THSD4: variants seen among roughly 807,000 people sequenced by gnomAD.
The protein encoded by THSD4 is thrombospondin type-1 domain-containing protein 4.
In THSD4, 69 loss-of-function variants were observed where a neutral mutation model predicts 119.0. The observed-to-expected ratio is 0.58, with a 90% confidence interval of 0.48 to 0.71. THSD4 has a LOEUF of 0.71. THSD4 is among the 30% of genes least tolerant of loss of function. The pLI is 0.00. For synonymous variants in THSD4, 524 were observed against 540.4 expected, an observed-to-expected ratio of 0.97 and a Z score of 0.42; for missense variants, 1,393 against 1,391.1, an observed-to-expected ratio of 1.00 and a Z score of -0.02.
chr15:71,670,224 C>T lies in THSD4; in HGVS notation c.1357+9490C>T, dbSNP rs575401433. Among the ~76,000 whole-genome samples the T allele has an allele frequency of 3.3e-5, 5 of 151,722 alleles. No homozygotes were observed. In the East Asian group the frequency reaches 9.8e-4, roughly 30 times the overall value. On this transcript the variant is annotated intron_variant, in intron 8 of 17. Transcript: ENST00000261862. ...TTAGGTATTTCTCCTAATGCTATCC[C>T]TCCCCTATCCCCCACCCCATGACAG...
chr15:71,499,081 C>T (rs112868741), intron 7 of THSD4, among the ~76,000 whole-genome samples: 2,130 of 152,200 alleles, frequency 0.014, 18 homozygotes, highest in Middle Eastern at 0.051. Context: ...CAAATCAATT[C>T]TAAGTGCTGT....
intron 6 of THSD4, among the ~76,000 whole-genome samples, chr15:71,289,445 C>T (rs1489592558): frequency 6.6e-6 from 1 of 152,148 alleles, no homozygotes; most frequent in Non-Finnish European, 1.5e-5. Context: ...TCCCTCCTTC[C>T]CTGCCGCACT....
At chr15:71,255,149 G>A (rs984627319) in intron 5 of THSD4, among the ~76,000 whole-genome samples, 4 of 152,102 alleles carry the variant, frequency 2.6e-5, no homozygotes, top group African/African-American at 9.7e-5. Context: ...TATCCTATTA[G>A]CAGTTTATTC....
Position 71,126,438 on chromosome 15 carries a change from T to A in THSD4, c.-80+10740T>A, listed in dbSNP as rs149844229. ...CTTCTGTTCCCACGTGGCCATCATG[T>A]TGGGGGCCCCCTTCCTTGCTGGAGC... is the stretch of plus-strand genomic sequence containing the variant. On this transcript the variant is annotated intron_variant, in intron 1 of 17. Transcript: ENST00000261862. 2.2e-4 allele frequency among the ~76,000 whole-genome samples: 34 copies of A among 152,344 alleles called. No individual in the cohort carries two copies. In the East Asian group the frequency reaches 6.4e-3, roughly 29 times the overall value.
Position 71,758,163 on chromosome 15 carries a change from G to A in THSD4, c.2589+88G>A. 3 of 1,435,636 alleles carry A rather than the reference G, an allele frequency of 2.1e-6. No individual in the cohort carries two copies. The South Asian group carries it at 4.4e-5, about 21-fold the overall frequency. The allele number at this position is 1,435,636 out of a possible 1,614,324, so 88.9% of individuals were successfully genotyped here. A position where few individuals can be genotyped will look rare whatever the true frequency, so the allele number is the denominator to read the frequency against. On this transcript the variant is annotated intron_variant, in intron 15 of 17. Transcript: ENST00000261862. ...TAGGAACCAGGACTTTGTGTCAGGT[G>A]TCCCAGCTTTGAATCCCAGCAGTGC...
chr15:71,697,355 G>A (rs775803259), intron 8 of THSD4, among the ~76,000 whole-genome samples: 1 of 152,180 alleles, frequency 6.6e-6, no homozygotes, highest in Non-Finnish European at 1.5e-5. Context: ...GAGCCGGCTG[G>A]GGGTGGGACT....
At chr15:71,136,233 A>G (rs2040551068) in intron 1 of THSD4, among the ~76,000 whole-genome samples, 1 of 152,040 alleles carries the variant, frequency 6.6e-6, no homozygotes, top group African/African-American at 2.4e-5. Context: ...GCAAGAAAAA[A>G]GTGGTTTGGA....
At chr15:71,181,330 T>C (rs147921735) in intron 3 of THSD4, among the ~76,000 whole-genome samples, 1 of 152,356 alleles carries the variant, frequency 6.6e-6, no homozygotes, top group East Asian at 1.9e-4. Context: ...CTAAATTTCT[T>C]GGATTCAAAG....
At chr15:71,750,274 C>T (rs373384957) in intron 14 of THSD4, among the ~76,000 whole-genome samples, 14 of 152,312 alleles carry the variant, frequency 9.2e-5, no homozygotes, top group African/African-American at 3.4e-4. Context: ...CAGACATGCC[C>T]CATACGGCCA....
At chr15:71,747,965 G>A (rs959988954) in intron 13 of THSD4, among the ~76,000 whole-genome samples, 10 of 152,172 alleles carry the variant, frequency 6.6e-5, no homozygotes, top group East Asian at 1.9e-4. Flanking sequence ...CTGCCATGGC[G>A]TTGGGTCCTG....
chr15:71,481,083 G>A, intron 7 of THSD4, among the ~76,000 whole-genome samples: 1 of 151,960 alleles, frequency 6.6e-6, no homozygotes, highest in East Asian at 1.9e-4. Context: ...TTGGGGTAGG[G>A]AAAAAGGAGG....
chr15:71,243,781 CTTTTTT>C (rs34842560), intron 5 of THSD4, among the ~76,000 whole-genome samples: 2 of 104,946 alleles, frequency 1.9e-5, no homozygotes, highest in South Asian at 3.2e-4. Context: ...GTGCTCAGCA[CTTTTTT>C]TTTTTTTTTT....
chr15:71,189,993 C>G (rs796669318), intron 3 of THSD4, among the ~76,000 whole-genome samples: 1 of 152,184 alleles, frequency 6.6e-6, no homozygotes, highest in African/African-American at 2.4e-5. Flanking sequence ...ACTCTGCATG[C>G]TCAGATGGTT....
intron 6 of THSD4, among the ~76,000 whole-genome samples, chr15:71,329,873 G>T (rs887404068): frequency 3.9e-5 from 6 of 152,200 alleles, no homozygotes; most frequent in Non-Finnish European, 5.9e-5. Context: ...TTGAGCCCAT[G>T]AGTTTGAGAC....
rs1491223591 is a variant in THSD4 at position 71,447,109 on chromosome 15, A to ATTTTTTTTT, written c.1152+35294_1152+35295insTTTTTTTTT. Reference sequence around the variant, plus strand: ...TGTCCTCTGTTGCCCTCTTCCCTCCATTTTTTTTGTTTTTTTTTTTTTTTT... The same window carrying ATTTTTTTTT: ...TGTCCTCTGTTGCCCTCTTCCCTCCATTTTTTTTTTTTTTTTTGTTTTTTTTTTTTTTTT... On this transcript the variant is annotated intron_variant, in intron 7 of 17. Coordinates refer to ENST00000261862, the MANE Select transcript of THSD4 (RefSeq NM_024817.3). Among the ~76,000 whole-genome samples the ATTTTTTTTT allele has an allele frequency of 8.9e-4, 62 of 69,460 alleles. 11 individuals are homozygous for ATTTTTTTTT. The highest frequency in any genetic ancestry group is 3.3e-3 in the African/African-American group (59 of 18,144). 45.6% of individuals were successfully genotyped at this position (69,460 alleles called of 152,430 possible).
chr15:71,186,037 C>G (rs1218918099), intron 3 of THSD4: 3 of 152,212 alleles, frequency 2.0e-5, no homozygotes, highest in African/African-American at 4.8e-5. Flanking sequence ...ATCCTGGCAA[C>G]AACTTTGTGT....
At chr15:71,662,267 G>T (rs541644797) in intron 8 of THSD4, among the ~76,000 whole-genome samples, 2 of 152,120 alleles carry the variant, frequency 1.3e-5, no homozygotes, top group Admixed American at 6.5e-5. Flanking sequence ...GTTTTACGGG[G>T]GGGGAGGAGG....
At chr15:71,733,418 G>A (rs1453613479) in intron 10 of THSD4, 3 of 152,172 alleles carry the variant, frequency 2.0e-5, no homozygotes, top group African/African-American at 4.8e-5. Flanking sequence ...GAGAGGACAT[G>A]GGAAGAGATT....
At chr15:71,307,421 G>A (rs1432036613) in intron 6 of THSD4, among the ~76,000 whole-genome samples, 1 of 152,170 alleles carries the variant, frequency 6.6e-6, no homozygotes, top group Non-Finnish European at 1.5e-5. Context: ...AGTGTGTCAA[G>A]GGCCCTCAAG....
Sources: gnomAD v4.1 joint callset for allele counts (sites outside exome capture counted in the v4.1 genomes callset) on GRCh38, gnomAD v4.1.1 for gene constraint, MANE v1.5 for transcripts, NCBI Gene and HGNC (gene_info 2026-07-23, HGNC 2026-07-21) for gene names.